TRHDE: variants seen among roughly 807,000 people sequenced by gnomAD.
TRHDE encodes thyrotropin releasing hormone degrading enzyme, also known as thyrotropin-releasing hormone-degrading ectoenzyme.
Under a neutral mutation model 125.7 loss-of-function variants are expected in TRHDE, and 72 were observed. The observed-to-expected ratio is 0.57, with a 90% confidence interval of 0.47 to 0.70. The LOEUF is 0.70. Among genes scored for constraint, TRHDE ranks in the 30% least tolerant of loss-of-function variants. The pLI is 0.00. For synonymous variants in TRHDE, 509 were observed against 509.1 expected (o/e 1.00, Z 0.00); for missense variants, 1,110 against 1,327.1 (o/e 0.84, Z 2.54).
intron 2 of TRHDE, among the ~76,000 whole-genome samples, chr12:72,120,240 G>A (rs1875545858): frequency 2.6e-5 from 4 of 151,856 alleles, no homozygotes; most frequent in Admixed American, 2.6e-4. Context: ...TAGTAGAGAT[G>A]GGGTTTCACC....
intron 2 of TRHDE, among the ~76,000 whole-genome samples, chr12:72,194,969 G>T (rs933018782): frequency 6.6e-6 from 1 of 152,100 alleles, no homozygotes; most frequent in Non-Finnish European, 1.5e-5. Context: ...ATAAAGAAAA[G>T]AAGTTTAATT....
At chr12:72,346,766 G>T (rs866974367) in intron 2 of TRHDE, among the ~76,000 whole-genome samples, 119 of 152,066 alleles carry the variant, frequency 7.8e-4, no homozygotes, top group African/African-American at 2.7e-3. Flanking sequence ...TGTAGAAGGT[G>T]ACTTGAGCTT....
chr12:72,563,017 A>G lies in TRHDE; in HGVS notation c.2019A>G (p.Lys673=). ...HFIYDISAKT[K]ALKLQNNSYL... is the part of the protein sequence containing the mutation. ...TCTATGATATCAGTGCTAAAACTAA[A>G]GCACTTAAACTTCAGAATAACAGGT... is the stretch of plus-strand genomic sequence containing the variant. The change falls in exon 9 of 19, where the codon AAA becomes AAG. Residue 673 remains lysine (K), a synonymous_variant. Transcript: ENST00000261180. 6.2e-7 allele frequency: 1 copy of G among 1,601,184 alleles called. No homozygotes were observed. The highest frequency in any genetic ancestry group is 8.5e-7 in the Non-Finnish European group (1 of 1,174,666).
intron 2 of TRHDE, among the ~76,000 whole-genome samples, chr12:72,170,759 A>G (rs1876855259): frequency 6.6e-6 from 1 of 152,208 alleles, no homozygotes; most frequent in African/African-American, 2.4e-5. Context: ...GTAGTAGACA[A>G]TTTATATGTG....
At chr12:72,276,788 C>G (rs553008126) in intron 1 of TRHDE, among the ~76,000 whole-genome samples, 4 of 152,272 alleles carry the variant, frequency 2.6e-5, no homozygotes, top group African/African-American at 9.6e-5. Flanking sequence ...TGTCTACACA[C>G]CAATAAGTAA....
chr12:72,535,881 C>T (rs575849312), intron 6 of TRHDE, among the ~76,000 whole-genome samples: 1 of 152,020 alleles, frequency 6.6e-6, no homozygotes, highest in African/African-American at 2.4e-5. Flanking sequence ...GATTTTGAAT[C>T]AATAGACTAA....
At chr12:72,118,004 G>A (rs187185265) in intron 2 of TRHDE, among the ~76,000 whole-genome samples, 6 of 151,464 alleles carry the variant, frequency 4.0e-5, no homozygotes, top group South Asian at 4.2e-4. Flanking sequence ...ATATAAGATC[G>A]TATCATCTGT....
At position 72,139,264 on chromosome 12, in the gene TRHDE, AT is replaced by A. The variant is rs529505613; in HGVS notation, n.279+33523del. Among the ~76,000 whole-genome samples, 110 of 147,826 alleles carry A rather than the reference AT, an allele frequency of 7.4e-4. 1 individual carries two copies. The highest frequency in any genetic ancestry group is 7.0e-3 in the Middle Eastern group (2 of 286). ...CACCAAATTTTAAATGGCAGAACTG[AT>A]TTTTTTTTTTAATGTGGTAAAATGG... On this transcript the variant is annotated intron_variant and non_coding_transcript_variant, in intron 2 of 4. Coordinates refer to the TRHDE transcript ENST00000548156.
intron 15 of TRHDE, among the ~76,000 whole-genome samples, chr12:72,631,412 A>G (rs1873489561): frequency 6.6e-6 from 1 of 151,808 alleles, no homozygotes; most frequent in South Asian, 2.1e-4. Flanking sequence ...CTGTTACTTC[A>G]TAAAATAGGA....
rs778487514 is a variant in TRHDE at position 72,474,545 on chromosome 12, G to A, written c.1584+1365G>A. Among the ~76,000 whole-genome samples the A allele has an allele frequency of 2.6e-5, 4 of 151,982 alleles. No homozygotes were observed. The South Asian group carries it at 6.2e-4, about 24-fold the overall frequency. On this transcript the variant is annotated intron_variant, in intron 5 of 18. Coordinates refer to ENST00000261180, the MANE Select transcript of TRHDE (RefSeq NM_013381.3). Reference sequence around the variant, plus strand: ...ATGTAGTATTTGTCTATTTTATCTCGCTTGGCATGAAGTACCAAGTTCACT... The same window carrying A: ...ATGTAGTATTTGTCTATTTTATCTCACTTGGCATGAAGTACCAAGTTCACT...
intron 10 of TRHDE, among the ~76,000 whole-genome samples, chr12:72,570,493 A>G (rs1268581453): frequency 6.7e-6 from 1 of 148,654 alleles, no homozygotes; most frequent in Non-Finnish European, 1.5e-5. Flanking sequence ...AGGCAGGAGA[A>G]TCGCTTGAAC....
intron 3 of TRHDE, among the ~76,000 whole-genome samples, chr12:72,461,475 T>C (rs1876122283): frequency 6.6e-6 from 1 of 152,158 alleles, no homozygotes; most frequent in African/African-American, 2.4e-5. Context: ...CTTATTAATA[T>C]TACTGTTTTA....
chr12:72,568,091 CAT>C (rs1415621733), intron 9 of TRHDE, among the ~76,000 whole-genome samples: 1 of 151,902 alleles, frequency 6.6e-6, no homozygotes, highest in Admixed American at 6.6e-5. Flanking sequence ...TTAGATACGT[CAT>C]ATTAACTTTT....
intron 12 of TRHDE, among the ~76,000 whole-genome samples, chr12:72,584,803 T>C (rs1871374867): frequency 6.6e-6 from 1 of 152,220 alleles, no homozygotes; most frequent in Non-Finnish European, 1.5e-5. Flanking sequence ...CATCCATTGA[T>C]AGAAACTTAG....
At chr12:72,392,020 G>C (rs751848139) in intron 3 of TRHDE, among the ~76,000 whole-genome samples, 4 of 152,142 alleles carry the variant, frequency 2.6e-5, no homozygotes, top group Non-Finnish European at 5.9e-5. Flanking sequence ...GTTTCTAAGA[G>C]GAAGAGAGAT....
intron 12 of TRHDE, among the ~76,000 whole-genome samples, chr12:72,591,632 G>GTTTTTTTTTTTTTTTTTTTTTTT (rs71071842): frequency 1.6e-4 from 20 of 125,420 alleles, no homozygotes; most frequent in African/African-American, 5.4e-4. Context: ...AAGGATATGG[G>GTTTTTTTTTTTTTTTTTTTTTTT]TTTTTTTTTT....
intron 2 of TRHDE, among the ~76,000 whole-genome samples, chr12:72,342,213 T>G (rs997045477): frequency 1.3e-5 from 2 of 152,140 alleles, no homozygotes; most frequent in African/African-American, 4.8e-5. Flanking sequence ...ATAACCTACT[T>G]TAAAGAAAAT....
chr12:72,396,053 T>G (rs887739051), intron 3 of TRHDE, among the ~76,000 whole-genome samples: 1 of 152,186 alleles, frequency 6.6e-6, no homozygotes, highest in African/African-American at 2.4e-5. Flanking sequence ...TAGAGGCCAA[T>G]TCCTCCAAAA....
At chr12:72,298,363 T>C (rs1262705604) in intron 2 of TRHDE, among the ~76,000 whole-genome samples, 1 of 152,086 alleles carries the variant, frequency 6.6e-6, no homozygotes, top group Non-Finnish European at 1.5e-5. Context: ...GCAGAGGGAG[T>C]TGCCAGTCCA....
Sources: allele counts gnomAD v4.1 joint callset (sites outside exome capture counted in the v4.1 genomes callset), GRCh38; gene constraint gnomAD v4.1.1; transcripts MANE v1.5; gene names NCBI Gene and HGNC (gene_info 2026-07-23, HGNC 2026-07-21).